Variants in GRM1 observed in about 807,000 individuals in gnomAD.
GRM1 encodes glutamate metabotropic receptor 1.
GRM1 carries 33 observed loss-of-function variants against 90.9 expected under a neutral mutation model. The observed-to-expected ratio is 0.36, with a 90% CI of 0.28 to 0.49. GRM1 has a LOEUF of 0.49. Among genes scored for constraint, GRM1 ranks in the 20% least tolerant of loss-of-function variants. The pLI is 0.99. For missense variants in GRM1, 1,190 were observed against 1,534.3 expected (o/e 0.78, Z 3.75); for synonymous variants, 700 against 613.2 (o/e 1.14, Z -2.09).
intron 1 of GRM1, among the ~76,000 whole-genome samples, chr6:146,120,382 AACAGGG>A (rs1685683739): frequency 6.6e-6 from 1 of 152,276 alleles, no homozygotes; most frequent in South Asian, 2.1e-4. Flanking sequence ...GTCATCTGCA[AACAGGG>A]ACAATTTGAC....
At chr6:146,160,075 C>A (rs73571284) in intron 2 of GRM1, among the ~76,000 whole-genome samples, 2,468 of 151,834 alleles carry the variant, frequency 0.016, 69 homozygotes, top group African/African-American at 0.056. Context: ...TTCTCCACAC[C>A]CAAGCCGATG....
At chr6:146,404,747 G>A (rs1013644361) in intron 7 of GRM1, among the ~76,000 whole-genome samples, 1 of 152,090 alleles carries the variant, frequency 6.6e-6, no homozygotes, top group Non-Finnish European at 1.5e-5. Context: ...TATAGATAAT[G>A]GTTAATGTAC....
At chr6:146,047,121 G>A (rs1371752084) in intron 1 of GRM1, among the ~76,000 whole-genome samples, 1 of 152,006 alleles carries the variant, frequency 6.6e-6, no homozygotes, top group South Asian at 2.1e-4. Context: ...TGTGGAGCTG[G>A]TTGGAAAAGC....
Position 146,030,206 on chromosome 6 carries a change from T to C in GRM1, c.689T>C (p.Val230Ala). ...TACAATTGGACCTATGTCTCTGCAGTCCACACGGAAGGTAGGCATTATATT... is the reference window on the plus strand; with the variant it reads ...TACAATTGGACCTATGTCTCTGCAGCCCACACGGAAGGTAGGCATTATATT... ...KRYNWTYVSA[V>A]HTEGNYGESG... Residue 230 changes from valine (V) to alanine (A), a missense_variant, in exon 1 of 8, where the codon GTC becomes GCC. Transcript: ENST00000282753. The C allele has an allele frequency of 6.2e-7, 1 of 1,609,940 alleles. No individual in the cohort carries two copies. Among genetic ancestry groups the C allele is most frequent in the Non-Finnish European group, 8.5e-7 (1 of 1,176,266 alleles).
At chr6:146,288,776 G>A (rs1218903447) in intron 2 of GRM1, among the ~76,000 whole-genome samples, 1 of 152,134 alleles carries the variant, frequency 6.6e-6, no homozygotes, top group East Asian at 1.9e-4. Context: ...AAAGTGCTGG[G>A]ATTACAGGTG....
At chr6:146,325,695 G>A (rs1394233488) in intron 3 of GRM1, among the ~76,000 whole-genome samples, 2 of 152,022 alleles carry the variant, frequency 1.3e-5, no homozygotes, top group African/African-American at 4.8e-5. Flanking sequence ...ACTATTATTA[G>A]GCATTATACT....
intron 3 of GRM1, among the ~76,000 whole-genome samples, chr6:146,332,530 C>A (rs1784619755): frequency 6.6e-6 from 1 of 152,218 alleles, no homozygotes; most frequent in African/African-American, 2.4e-5. Context: ...CCAATCCTTA[C>A]ATTTGTGCCC....
Position 146,434,640 on chromosome 6 carries a change from T to G in GRM1, c.3429T>G (p.Pro1143=), listed in dbSNP as rs1778535540. The G allele has an allele frequency of 6.2e-7, 1 of 1,611,004 alleles. No homozygotes were observed. Among genetic ancestry groups the G allele is most frequent in the Non-Finnish European group, 8.5e-7 (1 of 1,179,996 alleles). Reference sequence around the variant, plus strand: ...GCAAACTGACCCCGGATGATTCGCCTGCGCTGACGCCTCCGTCGCCTTTCC... The same window carrying G: ...GCAAACTGACCCCGGATGATTCGCCGGCGCTGACGCCTCCGTCGCCTTTCC... ...AASKLTPDDS[P]ALTPPSPFRD... Residue 1143 remains proline, a synonymous_variant, in exon 8 of 8, where the codon CCT becomes CCG. Coordinates refer to ENST00000282753, the MANE Select transcript of GRM1 (RefSeq NM_001278064.2).
At position 146,319,511 on chromosome 6, in the gene GRM1, A is replaced by G. The variant is rs913216319; in HGVS notation, c.1186+14665A>G. ...TTTTTCTAATTCTGTGAAGAAAGTCAATGGTAGCTTGATGGGGAGAGCATT... is the reference window on the plus strand; with the variant it reads ...TTTTTCTAATTCTGTGAAGAAAGTCGATGGTAGCTTGATGGGGAGAGCATT... On this transcript the variant is annotated intron_variant, in intron 3 of 7. Coordinates refer to ENST00000282753, the MANE Select transcript of GRM1 (RefSeq NM_001278064.2). Among the ~76,000 whole-genome samples, 36 of 152,184 alleles carry G rather than the reference A, an allele frequency of 2.4e-4. 1 individual carries two copies. The highest frequency in any genetic ancestry group is 2.1e-4 in the South Asian group (1 of 4,834).
At chr6:146,258,080 A>G (rs755604708) in intron 2 of GRM1, among the ~76,000 whole-genome samples, 3 of 152,110 alleles carry the variant, frequency 2.0e-5, no homozygotes, top group Non-Finnish European at 4.4e-5. Context: ...TGTATGAGCA[A>G]TTTTCTTCAG....
chr6:146,275,647 G>A (rs1782329460), intron 2 of GRM1, among the ~76,000 whole-genome samples: 1 of 151,856 alleles, frequency 6.6e-6, no homozygotes, highest in African/African-American at 2.4e-5. Context: ...AGCCTCCAAA[G>A]CCAAGACAAT....
At chr6:146,317,003 A>G (rs1288848606) in intron 3 of GRM1, among the ~76,000 whole-genome samples, 5 of 152,230 alleles carry the variant, frequency 3.3e-5, no homozygotes, top group Admixed American at 3.3e-4. Flanking sequence ...CCATGCCTAC[A>G]ATTCTTGTTA....
At chr6:146,351,075 C>G (rs1351424334) in intron 3 of GRM1, among the ~76,000 whole-genome samples, 12 of 152,148 alleles carry the variant, frequency 7.9e-5, no homozygotes, top group Admixed American at 7.9e-4. Context: ...TTTACCGTTT[C>G]TTCTAAAGAC....
chr6:146,058,430 A>C (rs539270436), intron 1 of GRM1, among the ~76,000 whole-genome samples: 1 of 152,266 alleles, frequency 6.6e-6, no homozygotes, highest in Non-Finnish European at 1.5e-5. Flanking sequence ...AAAAGTGCAT[A>C]CCTTAATTAA....
chr6:146,383,139 A>G (rs1187951127), intron 5 of GRM1, among the ~76,000 whole-genome samples: 1 of 152,196 alleles, frequency 6.6e-6, no homozygotes, highest in African/African-American at 2.4e-5. Flanking sequence ...AAGAAAGAGG[A>G]TTAAAAAACT....
intron 3 of GRM1, among the ~76,000 whole-genome samples, chr6:146,326,413 G>C (rs1562611349): frequency 6.6e-6 from 1 of 152,096 alleles, no homozygotes; most frequent in Non-Finnish European, 1.5e-5. Flanking sequence ...CACATCGAGG[G>C]AAACAACACA....
intron 2 of GRM1, among the ~76,000 whole-genome samples, chr6:146,228,606 T>C (rs1780334560): frequency 6.6e-6 from 1 of 152,152 alleles, no homozygotes; most frequent in South Asian, 2.1e-4. Flanking sequence ...ATTAGTGCAA[T>C]GACAGTTGTA....
intron 2 of GRM1, among the ~76,000 whole-genome samples, chr6:146,211,350 A>AG (rs1779682175): frequency 6.6e-6 from 1 of 151,728 alleles, no homozygotes; most frequent in Non-Finnish European, 1.5e-5. Context: ...AATGATAGAA[A>AG]AAAAAAAAAA....
intron 2 of GRM1, among the ~76,000 whole-genome samples, chr6:146,187,869 A>G (rs1183625797): frequency 6.6e-6 from 1 of 152,088 alleles, no homozygotes; most frequent in Non-Finnish European, 1.5e-5. Flanking sequence ...ATAATCGGTA[A>G]GAACAACCAG....
Sources: allele counts gnomAD v4.1 joint callset (sites outside exome capture counted in the v4.1 genomes callset), GRCh38; gene constraint gnomAD v4.1.1; transcripts MANE v1.5; gene names NCBI Gene and HGNC (gene_info 2026-07-23, HGNC 2026-07-21).